The following MYLK4 variants were observed in gnomAD, a reference collection of about 807,000 sequenced individuals.
The protein encoded by MYLK4 is caMLCK like.
Under a neutral mutation model 48.1 loss-of-function variants are expected in MYLK4, and 46 were observed. The observed-to-expected ratio is 0.96, with a 90% CI of 0.75 to 1.22. The LOEUF (loss-of-function observed/expected upper bound fraction) is 1.22, where lower values mean the gene tolerates loss of function less well. Among genes scored for constraint, MYLK4 ranks in the 50% most tolerant of loss-of-function variants. The pLI is 0.00. For missense variants in MYLK4, 451 were observed against 486.1 expected, an observed-to-expected ratio of 0.93 and a Z score of 0.68; for synonymous variants, 170 against 180.8, an observed-to-expected ratio of 0.94 and a Z score of 0.48.
At chr6:2,726,978 CTG>C (rs1487357185) in intron 2 of MYLK4, among the ~76,000 whole-genome samples, 2 of 152,194 alleles carry the variant, frequency 1.3e-5, no homozygotes, top group African/African-American at 2.4e-5. Context: ...TATCTTAAAA[CTG>C]TATTATTATC....
At chr6:2,759,944 T>A in the MYLK4 span, among the ~76,000 whole-genome samples, 1 of 152,226 alleles carries the variant, frequency 6.6e-6, no homozygotes. Flanking sequence ...CATTTCCACA[T>A]GTTCTGCACC....
intron 2 of MYLK4, among the ~76,000 whole-genome samples, chr6:2,729,591 C>A (rs1157372861): frequency 6.6e-6 from 1 of 152,234 alleles, no homozygotes; most frequent in East Asian, 1.9e-4. Flanking sequence ...GGGGGCCAGG[C>A]TCCCTCAAGG....
At chr6:2,703,733 C>G (rs985324789) in intron 2 of MYLK4, among the ~76,000 whole-genome samples, 1 of 122,252 alleles carries the variant, frequency 8.2e-6, no homozygotes, top group African/African-American at 3.2e-5. Context: ...TGCAGTAGCA[C>G]GATTTCGGCT....
chr6:2,756,060 T>C, the MYLK4 span, among the ~76,000 whole-genome samples: 1 of 152,252 alleles, frequency 6.6e-6, no homozygotes, highest in Non-Finnish European at 1.5e-5. Context: ...TGGGAATTTA[T>C]AGGTATCATG....
the MYLK4 span, chr6:2,768,975 C>T: frequency 1.6e-6 from 2 of 1,245,082 alleles, no homozygotes; most frequent in Non-Finnish European, 2.2e-6. Flanking sequence ...GACTTACGAG[C>T]TTTGTTTACA....
chr6:2,702,997 C>G (rs566385812), intron 2 of MYLK4, among the ~76,000 whole-genome samples: 2 of 152,244 alleles, frequency 1.3e-5, no homozygotes, highest in African/African-American at 4.8e-5. Context: ...CTGGTACCAT[C>G]CTAGTTATTA....
In MYLK4 at chr6:2,667,222, A is replaced by G. The variant is rs1760689754; in HGVS notation, c.*703T>C. On this transcript the variant is annotated 3_prime_UTR_variant, in exon 13 of 13. Transcript: ENST00000274643. ...AACTGTCAGTCAGAAGGGTGCAGGG[A>G]GTATAGATGTGAAAAACAGAATCAG... 2 of 152,350 alleles carry G rather than the reference A, an allele frequency of 1.3e-5. No individual in the cohort carries two copies. The highest frequency in any genetic ancestry group is 2.1e-4 in the South Asian group (1 of 4,818). 9.4% of individuals were successfully genotyped at this position (152,350 alleles called of 1,614,324 possible).
At chr6:2,676,254 A>T (rs1454309182) in intron 10 of MYLK4, among the ~76,000 whole-genome samples, 1 of 152,202 alleles carries the variant, frequency 6.6e-6, no homozygotes, top group Non-Finnish European at 1.5e-5. Context: ...ATTTAAGTAT[A>T]AGATTTGAAG....
At chr6:2,756,218 C>T in the MYLK4 span, among the ~76,000 whole-genome samples, 1 of 152,004 alleles carries the variant, frequency 6.6e-6, no homozygotes, top group Non-Finnish European at 1.5e-5. Context: ...GCTTTCCATC[C>T]CCATCCTGAA....
rs555924786 is a variant in MYLK4, at chr6:2,707,710, G to A, written c.160-14851C>T. On this transcript the variant is annotated intron_variant, in intron 2 of 12. Transcript: ENST00000274643. ...AAAAGTTGTGACAATAAATGTCAAA[G>A]TCAAATGTGTTTTTTCTTTTGAATT... is the stretch of plus-strand genomic sequence containing the variant. Among the ~76,000 whole-genome samples, 6 of 152,228 alleles carry A rather than the reference G, an allele frequency of 3.9e-5. No individual in the cohort carries two copies. In the South Asian group the frequency reaches 1.2e-3, roughly 32 times the overall value.
At chr6:2,679,128 C>A in intron 9 of MYLK4, 152 bp downstream of exon 9, 1 of 837,592 alleles carries the variant, frequency 1.2e-6, no homozygotes. Context: ...CTTTCACCCA[C>A]AGGAGTCAAC....
At chr6:2,670,917 T>A (rs1760863228) in intron 12 of MYLK4, among the ~76,000 whole-genome samples, 1 of 152,056 alleles carries the variant, frequency 6.6e-6, no homozygotes. Context: ...CTTCCTCTGA[T>A]CTCACACATT....
chr6:2,707,203 A>T (rs9328121), intron 2 of MYLK4, among the ~76,000 whole-genome samples: 32,467 of 152,042 alleles, frequency 0.21, 3,582 homozygotes, highest in African/African-American at 0.27. Flanking sequence ...ACTGTGAAAT[A>T]AAAAAAACTG....
At chr6:2,692,740 G>C in intron 3 of MYLK4, 44 bp downstream of exon 3, 1 of 1,563,004 alleles carries the variant, frequency 6.4e-7, no homozygotes, top group Middle Eastern at 1.7e-4. Context: ...TTTTATAACG[G>C]AACTTTCTTC....
rs6936231 is a variant in MYLK4 at position 2,712,184 on chromosome 6, T to G, written c.160-19325A>C. On this transcript the variant is annotated intron_variant, in intron 2 of 12. Coordinates refer to ENST00000274643, the MANE Select transcript of MYLK4 (RefSeq NM_001012418.5). Reference sequence around the variant, plus strand: ...TCCCTTAACATCAGCTTCATCATGTTCCGGGGCTCATGTTCAGCAGAGGCC... The same window carrying G: ...TCCCTTAACATCAGCTTCATCATGTGCCGGGGCTCATGTTCAGCAGAGGCC... 8.8e-3 allele frequency among the ~76,000 whole-genome samples: 1,336 copies of G among 152,316 alleles called. 19 individuals are homozygous for G. Among genetic ancestry groups the G allele is most frequent in the African/African-American group, 0.03 (1,254 of 41,580 alleles).
chr6:2,741,503 A>C (rs956659505), intron 2 of MYLK4, among the ~76,000 whole-genome samples: 2 of 152,222 alleles, frequency 1.3e-5, no homozygotes, highest in Non-Finnish European at 2.9e-5. Context: ...GGACACTCAG[A>C]ATTTACATGG....
chr6:2,709,275 T>G (rs1396639477), intron 2 of MYLK4, among the ~76,000 whole-genome samples: 1 of 152,176 alleles, frequency 6.6e-6, no homozygotes, highest in Non-Finnish European at 1.5e-5. Flanking sequence ...ATCTCAAACT[T>G]TACATATCAA....
chr6:2,665,877 T>C lies in MYLK4; in HGVS notation c.*2048A>G, dbSNP rs1338319800. 6.6e-6 allele frequency: 1 copy of C among 152,094 alleles called. No homozygotes were observed. Among genetic ancestry groups the C allele is most frequent in the Non-Finnish European group, 1.5e-5 (1 of 68,046 alleles). 9.4% of individuals were successfully genotyped at this position (152,094 alleles called of 1,614,324 possible). On this transcript the variant is annotated 3_prime_UTR_variant, in exon 13 of 13. Transcript: ENST00000274643. ...CTCAATGAATATCATCAGCTAAAGA[T>C]AGCATAGTAATATAACACTCCAGTC...
chr6:2,720,361 G>A (rs902096192), intron 2 of MYLK4, among the ~76,000 whole-genome samples: 17 of 151,882 alleles, frequency 1.1e-4, no homozygotes, highest in Middle Eastern at 3.4e-3. Context: ...CCGAGATCGC[G>A]CCACTACACT....
Sources: gnomAD v4.1 joint callset for allele counts (sites outside exome capture counted in the v4.1 genomes callset) on GRCh38, gnomAD v4.1.1 for gene constraint, MANE v1.5 for transcripts, NCBI Gene and HGNC (gene_info 2026-07-23, HGNC 2026-07-21) for gene names.